PRKG1: variants seen among roughly 807,000 people sequenced by gnomAD.
PRKG1 encodes the protein protein kinase cGMP-dependent 1.
In PRKG1, 35 loss-of-function variants were observed where a neutral mutation model predicts 88.1. That is an observed-to-expected ratio of 0.40 (90% confidence interval 0.30 to 0.53). PRKG1 has a LOEUF of 0.53. Ranked by LOEUF, PRKG1 falls within the 20% of genes least tolerant of loss-of-function variation. The pLI is 0.59. For missense variants in PRKG1, 540 were observed against 839.8 expected (o/e 0.64, Z 4.41); for synonymous variants, 303 against 292.5 (o/e 1.04, Z -0.37).
At chr10:52,199,179 T>C (rs1309449851) in intron 9 of PRKG1, among the ~76,000 whole-genome samples, 1 of 152,162 alleles carries the variant, frequency 6.6e-6, no homozygotes, top group Non-Finnish European at 1.5e-5. Context: ...TTTTCAGGTA[T>C]CTTTCCTCAC....
At chr10:52,035,916 T>G (rs1452342840) in intron 5 of PRKG1, among the ~76,000 whole-genome samples, 1 of 152,196 alleles carries the variant, frequency 6.6e-6, no homozygotes, top group African/African-American at 2.4e-5. Context: ...GGCTACAGGG[T>G]GCGGTCCTGG....
intron 1 of PRKG1, among the ~76,000 whole-genome samples, chr10:51,021,862 G>A (rs1843141591): frequency 2.6e-5 from 4 of 151,840 alleles, no homozygotes; most frequent in Admixed American, 2.6e-4. Flanking sequence ...TGTATTTTTA[G>A]TAGAGATGGG....
At chr10:51,795,364 C>G (rs2132592025) in intron 3 of PRKG1, among the ~76,000 whole-genome samples, 1 of 152,064 alleles carries the variant, frequency 6.6e-6, no homozygotes, top group East Asian at 1.9e-4. Context: ...ATTTTATGAC[C>G]CATCCTCTAT....
intron 5 of PRKG1, among the ~76,000 whole-genome samples, chr10:52,000,334 T>C (rs1459213782): frequency 2.0e-5 from 3 of 152,026 alleles, no homozygotes; most frequent in Non-Finnish European, 4.4e-5. Context: ...AATATATATA[T>C]ATAATTTCAA....
At chr10:51,343,731 T>C (rs1842051644) in intron 2 of PRKG1, among the ~76,000 whole-genome samples, 1 of 152,160 alleles carries the variant, frequency 6.6e-6, no homozygotes, top group Non-Finnish European at 1.5e-5. Flanking sequence ...CTTAGCACAT[T>C]AGTTTAAGGT....
intron 5 of PRKG1, among the ~76,000 whole-genome samples, chr10:52,015,603 C>T (rs1344420541): frequency 1.3e-5 from 2 of 152,218 alleles, no homozygotes; most frequent in Admixed American, 1.3e-4. Context: ...GCTTGAATTT[C>T]TCCGCAGAAA....
intron 5 of PRKG1, among the ~76,000 whole-genome samples, chr10:51,982,412 C>A (rs1473032587): frequency 6.6e-6 from 1 of 152,180 alleles, no homozygotes; most frequent in East Asian, 1.9e-4. Context: ...TGTCAGAGTT[C>A]TTGAGCTGGT....
intron 3 of PRKG1, among the ~76,000 whole-genome samples, chr10:51,473,035 C>A (rs1840091373): frequency 6.6e-6 from 1 of 151,824 alleles, no homozygotes; most frequent in Admixed American, 6.6e-5. Flanking sequence ...TCATCGCAGA[C>A]AATGAAGCAA....
chr10:51,157,438 A>G (rs1221061785), intron 2 of PRKG1, among the ~76,000 whole-genome samples: 1 of 151,952 alleles, frequency 6.6e-6, no homozygotes, highest in Admixed American at 6.6e-5. Flanking sequence ...TCTTAAACAG[A>G]TAGACTTTGG....
chr10:51,580,926 A>G (rs35937312), intron 3 of PRKG1, among the ~76,000 whole-genome samples: 42,958 of 151,964 alleles, frequency 0.28, 7,184 homozygotes, highest in Non-Finnish European at 0.38. Context: ...CCACAATGCA[A>G]TGGGGCTCTT....
intron 3 of PRKG1, among the ~76,000 whole-genome samples, chr10:51,503,898 A>AT (rs1372281897): frequency 6.6e-6 from 1 of 152,184 alleles, no homozygotes; most frequent in Non-Finnish European, 1.5e-5. Flanking sequence ...ATGCTTGAGA[A>AT]TTTTAAACAA....
At chr10:52,242,417 A>G (rs1432485249) in intron 9 of PRKG1, among the ~76,000 whole-genome samples, 1 of 152,226 alleles carries the variant, frequency 6.6e-6, no homozygotes, top group Non-Finnish European at 1.5e-5. Flanking sequence ...AACTTCATGC[A>G]TTTTTGTTTG....
intron 5 of PRKG1, among the ~76,000 whole-genome samples, chr10:52,028,959 C>T (rs967790464): frequency 2.0e-5 from 3 of 152,110 alleles, no homozygotes; most frequent in Admixed American, 6.5e-5. Flanking sequence ...TCACAAAAGA[C>T]CCTTGCTATT....
chr10:51,698,689 C>T, intron 3 of PRKG1: 1 of 1,614,234 alleles, frequency 6.2e-7, no homozygotes, highest in African/African-American at 1.3e-5. Context: ...CAAGTTGGGG[C>T]TGCATTGCTC....
Position 51,346,017 on chromosome 10 carries a change from A to G in PRKG1, c.479-121706A>G, listed in dbSNP as rs115332090. 3.8e-3 allele frequency among the ~76,000 whole-genome samples: 586 copies of G among 152,278 alleles called. 2 individuals carry two copies. Among genetic ancestry groups the G allele is most frequent in the African/African-American group, 0.013 (557 of 41,550 alleles). On this transcript the variant is annotated intron_variant, in intron 2 of 17. Coordinates refer to ENST00000373980, the MANE Select transcript of PRKG1 (RefSeq NM_006258.4). ...TGTCTTTTTTAACATACCTGGTTCT[A>G]TGGAAGTCTAGCTGGTATTATAAAT...
intron 3 of PRKG1, among the ~76,000 whole-genome samples, chr10:51,581,924 A>C (rs971950828): frequency 2.0e-5 from 3 of 150,350 alleles, no homozygotes; most frequent in African/African-American, 7.6e-5. Flanking sequence ...CAATGAAGGA[A>C]TAAGTACATT....
At chr10:51,829,972 A>C (rs879676945) in intron 4 of PRKG1, among the ~76,000 whole-genome samples, 8 of 152,122 alleles carry the variant, frequency 5.3e-5, no homozygotes, top group Non-Finnish European at 1.2e-4. Flanking sequence ...AAAACTCATG[A>C]TGTTGATGAA....
chr10:51,563,616 G>A (rs181974504), intron 3 of PRKG1, among the ~76,000 whole-genome samples: 2,823 of 147,748 alleles, frequency 0.019, 36 homozygotes, highest in Middle Eastern at 0.071. Context: ...AACGTTTGTC[G>A]ACTGTTACTC....
rs930731638 is a variant in PRKG1 at position 51,026,249 on chromosome 10, C to T, written c.266+34605C>T. Among the ~76,000 whole-genome samples the T allele has an allele frequency of 4.6e-5, 7 of 152,116 alleles. No individual in the cohort carries two copies. The East Asian group carries it at 1.2e-3, about 25-fold the overall frequency. On this transcript the variant is annotated intron_variant, in intron 1 of 17. Coordinates refer to the PRKG1 transcript ENST00000401604. ...ATAAATTTCTATTGTTTAGGCCACC[C>T]ACCCTGTAGCACTTTGTTATAACAG...
Sources: gnomAD v4.1 joint callset for allele counts (sites outside exome capture counted in the v4.1 genomes callset) on GRCh38, gnomAD v4.1.1 for gene constraint, MANE v1.5 for transcripts, NCBI Gene and HGNC (gene_info 2026-07-23, HGNC 2026-07-21) for gene names.